The following NRXN3 variants were observed in gnomAD, a reference collection of about 807,000 sequenced individuals.
NRXN3 encodes neurexin III.
Under a neutral mutation model 137.6 loss-of-function variants are expected in NRXN3, and 32 were observed. The ratio of observed to expected loss-of-function variants is 0.23; its 90% CI spans 0.18 to 0.31. The LOEUF (loss-of-function observed/expected upper bound fraction) is 0.31, where lower values mean the gene tolerates loss of function less well. Among genes scored for constraint, NRXN3 ranks in the 10% least tolerant of loss-of-function variants. NRXN3 has a pLI of 1.00. For missense variants in NRXN3, 1,574 were observed against 2,062.5 expected, an observed-to-expected ratio of 0.76 and a Z score of 4.59; for synonymous variants, 798 against 784.5, an observed-to-expected ratio of 1.02 and a Z score of -0.29.
intron 17 of NRXN3, among the ~76,000 whole-genome samples, chr14:79,689,243 G>A (rs2098707074): frequency 6.6e-6 from 1 of 152,010 alleles, no homozygotes. Context: ...TAAAGATTTA[G>A]CAAGAATGTA....
chr14:79,398,438 C>G (rs573128055), intron 15 of NRXN3, among the ~76,000 whole-genome samples: 1 of 151,514 alleles, frequency 6.6e-6, no homozygotes, highest in Non-Finnish European at 1.5e-5. Flanking sequence ...TCACTAAGAC[C>G]CAGACAAACT....
chr14:79,858,640 A>T (rs986431533), intron 20 of NRXN3, among the ~76,000 whole-genome samples: 6 of 147,472 alleles, frequency 4.1e-5, no homozygotes, highest in East Asian at 2.0e-4. Context: ...CAGATAAGTT[A>T]AAAAAAAAAA....
chr14:79,560,503 G>GTTTTTTTTTTTTT (rs1567504638), intron 16 of NRXN3, among the ~76,000 whole-genome samples: 2 of 39,572 alleles, frequency 5.1e-5, no homozygotes, highest in African/African-American at 1.5e-4. Context: ...AAGATTGTAA[G>GTTTTTTTTTTTTT]CTTTTTTTTT....
intron 8 of NRXN3, among the ~76,000 whole-genome samples, chr14:78,734,133 T>C (rs1196260714): frequency 6.6e-6 from 1 of 151,886 alleles, no homozygotes; most frequent in Non-Finnish European, 1.5e-5. Flanking sequence ...AAACTTTGGC[T>C]ACAGTTGAAT....
chr14:79,846,936 G>T (rs1315310003), intron 20 of NRXN3, among the ~76,000 whole-genome samples: 2 of 152,076 alleles, frequency 1.3e-5, no homozygotes, highest in African/African-American at 4.8e-5. Context: ...TAAAGTTGTG[G>T]TGACTACAAT....
In NRXN3 at chr14:78,973,932, T is replaced by C. The variant is rs566356530; in HGVS notation, c.3142+5586T>C. On this transcript the variant is annotated intron_variant, in intron 14 of 20. Coordinates refer to ENST00000335750, the MANE Select transcript of NRXN3 (RefSeq NM_001330195.2). ...TGTGACTTTCTTGTTATATGCCATG[T>C]AGCTAACCAGTACAAGCGCCTATCT... Among the ~76,000 whole-genome samples the C allele has an allele frequency of 7.9e-5, 12 of 152,344 alleles. No homozygotes were observed. The South Asian group carries it at 2.3e-3, about 29-fold the overall frequency.
At chr14:79,855,950 A>G (rs2099401668) in intron 20 of NRXN3, among the ~76,000 whole-genome samples, 1 of 152,216 alleles carries the variant, frequency 6.6e-6, no homozygotes, top group Non-Finnish European at 1.5e-5. Flanking sequence ...TAAGAGTCTG[A>G]GTTACTTCAG....
intron 19 of NRXN3, among the ~76,000 whole-genome samples, chr14:79,698,596 A>G (rs1354940138): frequency 6.6e-6 from 1 of 152,002 alleles, no homozygotes; most frequent in Non-Finnish European, 1.5e-5. Flanking sequence ...GTTTTTTTCC[A>G]CTTGAAAGTA....
chr14:79,534,338 G>A (rs1250453338), intron 16 of NRXN3, among the ~76,000 whole-genome samples: 1 of 152,130 alleles, frequency 6.6e-6, no homozygotes, highest in Non-Finnish European at 1.5e-5. Flanking sequence ...TCGTTGTAAG[G>A]GGACTGAGGG....
At chr14:78,378,291 C>A (rs2088289930) in intron 4 of NRXN3, among the ~76,000 whole-genome samples, 1 of 152,106 alleles carries the variant, frequency 6.6e-6, no homozygotes, top group Non-Finnish European at 1.5e-5. Context: ...TCGAGACCAG[C>A]CTGGCCAACA....
intron 16 of NRXN3, among the ~76,000 whole-genome samples, chr14:79,485,833 C>T (rs1567255141): frequency 6.6e-6 from 1 of 152,120 alleles, no homozygotes; most frequent in Non-Finnish European, 1.5e-5. Flanking sequence ...TTTTAACGTA[C>T]TGTTAGAGCA....
chr14:78,796,554 C>G (rs1226101901), intron 8 of NRXN3, among the ~76,000 whole-genome samples: 1 of 152,146 alleles, frequency 6.6e-6, no homozygotes, highest in East Asian at 1.9e-4. Flanking sequence ...AATGAGCAAA[C>G]TGGTAAAGCA....
At chr14:78,693,063 A>T (rs764448850) in intron 6 of NRXN3, among the ~76,000 whole-genome samples, 33 of 152,048 alleles carry the variant, frequency 2.2e-4, no homozygotes, top group Non-Finnish European at 3.5e-4. Flanking sequence ...AGCCCAGGCA[A>T]CAGAGCGAGA....
chr14:79,770,787 A>G (rs1375740707), intron 19 of NRXN3, among the ~76,000 whole-genome samples: 1 of 151,692 alleles, frequency 6.6e-6, no homozygotes, highest in East Asian at 1.9e-4. Context: ...AGCAGAACTG[A>G]AGGAAATAGA....
intron 4 of NRXN3, among the ~76,000 whole-genome samples, chr14:78,335,729 A>C (rs1347662246): frequency 6.6e-6 from 1 of 152,092 alleles, no homozygotes; most frequent in Admixed American, 6.5e-5. Flanking sequence ...TTGGAGGTCT[A>C]CTGAGGTCTC....
At chr14:79,783,033 C>T (rs1420598922) in intron 19 of NRXN3, among the ~76,000 whole-genome samples, 1 of 152,174 alleles carries the variant, frequency 6.6e-6, no homozygotes, top group Non-Finnish European at 1.5e-5. Context: ...TAAGGTCCCT[C>T]TGTTGAACAC....
intron 16 of NRXN3, among the ~76,000 whole-genome samples, chr14:79,600,857 G>T (rs142889186): frequency 1.3e-5 from 2 of 151,934 alleles, no homozygotes; most frequent in Non-Finnish European, 2.9e-5. Context: ...GGTAGTGACA[G>T]AAAGGAAGAA....
At chr14:78,245,738 C>G (rs1014161644) in intron 2 of NRXN3, among the ~76,000 whole-genome samples, 2 of 152,194 alleles carry the variant, frequency 1.3e-5, no homozygotes, top group Non-Finnish European at 2.9e-5. Context: ...GCCTGGGTCT[C>G]CACTCCTTTC....
At chr14:79,589,214 C>T (rs1260998995) in intron 16 of NRXN3, among the ~76,000 whole-genome samples, 1 of 152,086 alleles carries the variant, frequency 6.6e-6, no homozygotes, top group Admixed American at 6.6e-5. Context: ...GTGATCATGC[C>T]CCTGCACCCC....
Sources: allele counts gnomAD v4.1 joint callset (sites outside exome capture counted in the v4.1 genomes callset), GRCh38; gene constraint gnomAD v4.1.1; transcripts MANE v1.5; gene names NCBI Gene and HGNC (gene_info 2026-07-23, HGNC 2026-07-21).